PLPP7: variants seen among roughly 807,000 people sequenced by gnomAD.
The protein encoded by PLPP7 is phospholipid phosphatase 7 (inactive), also known as inactive phospholipid phosphatase 7.
Under a neutral mutation model 16.9 loss-of-function variants are expected in PLPP7, and 11 were observed. The ratio of observed to expected loss-of-function variants is 0.65; its 90% CI spans 0.41 to 1.08. The LOEUF (loss-of-function observed/expected upper bound fraction) is 1.08. Among genes scored for constraint, PLPP7 ranks in the 50% least tolerant of loss-of-function variants. The probability of loss-of-function intolerance (pLI) is 0.00; values close to 1 mark genes in which losing one functional copy is unlikely to be tolerated. For missense variants in PLPP7, 358 were observed against 397.1 expected (o/e 0.90, Z 0.84); for synonymous variants, 174 against 175.1 (o/e 0.99, Z 0.05).
chr9:131,301,795 G>GAGGGGA (rs1835800583), intron 1 of PLPP7, among the ~76,000 whole-genome samples: 1 of 150,038 alleles, frequency 6.7e-6, no homozygotes, highest in African/African-American at 2.4e-5. Context: ...AAGGCGCTGA[G>GAGGGGA]AGGGGAAGGA....
chr9:131,305,849 G>A (rs1001642155), intron 1 of PLPP7, among the ~76,000 whole-genome samples: 6 of 151,936 alleles, frequency 3.9e-5, no homozygotes, highest in South Asian at 4.2e-4. Context: ...GGCTAGTCTC[G>A]GACTCCTGGG....
Position 131,308,416 on chromosome 9 carries a change from T to A in PLPP7, c.*129T>A. ...TCAGAGCGGCCACCCCCACCTCATC[T>A]TCCCCTCCTGGCTGGAGGCTGGCGA... On this transcript the variant is annotated 3_prime_UTR_variant, in exon 2 of 2. Coordinates refer to ENST00000372264, the MANE Select transcript of PLPP7 (RefSeq NM_032728.4). The A allele has an allele frequency of 4.3e-6, 6 of 1,390,940 alleles. No homozygotes were observed. Among genetic ancestry groups the A allele is most frequent in the Non-Finnish European group, 5.7e-6 (6 of 1,058,806 alleles). 86.2% of individuals were successfully genotyped at this position (1,390,940 alleles called of 1,614,324 possible). A position where few individuals can be genotyped will look rare whatever the true frequency, so the allele number is the denominator to read the frequency against.
chr9:131,295,039 C>T lies in PLPP7; in HGVS notation c.451+4591C>T, dbSNP rs1160556513. Among the ~76,000 whole-genome samples, 4 of 146,398 alleles carry T rather than the reference C, an allele frequency of 2.7e-5. No homozygotes were observed. The highest frequency in any genetic ancestry group is 4.5e-5 in the Non-Finnish European group (3 of 66,358). ...TGATCTTGGCTCACTGGCATGAACC[C>T]GGGAGGCGGAGCTTGCAGTGAGCTG... is the stretch of plus-strand genomic sequence containing the variant. On this transcript the variant is annotated intron_variant, in intron 1 of 1. Coordinates refer to ENST00000372264, the MANE Select transcript of PLPP7 (RefSeq NM_032728.4). The surrounding 1 kb of genome is among the most constrained non-coding windows in gnomAD (Gnocchi z 4.0).
rs1339208298 is a variant in PLPP7, at chr9:131,308,133, G to A, written c.662G>A (p.Trp221Ter). 1 of 1,600,954 alleles carries A rather than the reference G, an allele frequency of 6.2e-7. No individual in the cohort carries two copies. Among genetic ancestry groups the A allele is most frequent in the East Asian group, 2.2e-5 (1 of 44,862 alleles). The change falls in exon 2 of 2, where the codon TGG becomes TAG. Residue 221 changes from tryptophan to a stop codon, truncating the protein, a stop_gained. Transcript: ENST00000372264. LOFTEE classifies it high-confidence loss of function. ...AVPLRVLLVLWALCVGLSRVM... is the reference protein window; with the variant it reads ...AVPLRVLLVL The stretch of plus-strand genomic sequence containing the variant: ...CCCCTGCGTGTGCTGCTGGTGCTCT[G>A]GGCCCTCTGCGTGGGCCTGTCCCGC...
In PLPP7 at chr9:131,308,512, C is replaced by T; in HGVS notation, c.*225C>T. 1.4e-6 allele frequency: 1 copy of T among 724,566 alleles called. No homozygotes were observed. Among genetic ancestry groups the T allele is most frequent in the Non-Finnish European group, 2.2e-6 (1 of 456,704 alleles). 44.9% of individuals were successfully genotyped at this position (724,566 alleles called of 1,614,324 possible). On this transcript the variant is annotated 3_prime_UTR_variant, in exon 2 of 2. Coordinates refer to ENST00000372264, the MANE Select transcript of PLPP7 (RefSeq NM_032728.4). ...GCCTCTTGCCCCTTTGCTTGGACTC[C>T]AAGTCTCCTCTCTAGGCAGCCAGGA... is the stretch of plus-strand genomic sequence containing the variant.
At chr9:131,307,488 G>A (rs1010408590) in intron 1 of PLPP7, among the ~76,000 whole-genome samples, 1 of 145,840 alleles carries the variant, frequency 6.9e-6, no homozygotes, top group African/African-American at 2.6e-5. Flanking sequence ...GGAGGCGGAG[G>A]TTCCAGTGAG....
rs1003383689 is a variant in PLPP7 at position 131,308,381 on chromosome 9, C to A, written c.*94C>A. 7.6e-6 allele frequency: 11 copies of A among 1,445,496 alleles called. No homozygotes were observed. Among genetic ancestry groups the A allele is most frequent in the Admixed American group, 2.6e-5 (1 of 38,706 alleles). 89.5% of individuals were successfully genotyped at this position (1,445,496 alleles called of 1,614,324 possible). A position where few individuals can be genotyped will look rare whatever the true frequency, so the allele number is the denominator to read the frequency against. On this transcript the variant is annotated 3_prime_UTR_variant, in exon 2 of 2. Coordinates refer to ENST00000372264, the MANE Select transcript of PLPP7 (RefSeq NM_032728.4). The stretch of plus-strand genomic sequence containing the variant: ...GGTGGCGGGCGTGGGTGGAACAGAG[C>A]GGCCAGGAGTCAGAGCGGCCACCCC...
chr9:131,307,763 A>G (rs1385722889), intron 1 of PLPP7, among the ~76,000 whole-genome samples, 160 bp from the exon 2 acceptor site: 2 of 152,146 alleles, frequency 1.3e-5, no homozygotes, highest in Non-Finnish European at 2.9e-5. Context: ...GGGAGACAGC[A>G]AAGGCAACAG....
chr9:131,305,903 A>G (rs900083138), intron 1 of PLPP7, among the ~76,000 whole-genome samples: 3 of 152,086 alleles, frequency 2.0e-5, no homozygotes, highest in Admixed American at 6.6e-5. Context: ...TGCTGGGATT[A>G]TAAGTGTGAC....
chr9:131,305,769 C>A (rs1835845698), intron 1 of PLPP7, among the ~76,000 whole-genome samples: 1 of 152,144 alleles, frequency 6.6e-6, no homozygotes, highest in African/African-American at 2.4e-5. Flanking sequence ...GCTGAAACTA[C>A]AGGCGTATGC....
At position 131,308,470 on chromosome 9, in the gene PLPP7, G is replaced by A. The variant is rs758805685; in HGVS notation, c.*183G>A. ...CAGGCCACCCCTCCCGGAGACAAGC[G>A]TGTTTGGCAGTGCCAGGCCTCTTGC... On this transcript the variant is annotated 3_prime_UTR_variant, in exon 2 of 2. Transcript: ENST00000372264. 37 of 987,886 alleles carry A rather than the reference G, an allele frequency of 3.7e-5. No homozygotes were observed. The highest frequency in any genetic ancestry group is 6.6e-5 in the African/African-American group (4 of 60,418). 61.2% of individuals were successfully genotyped at this position (987,886 alleles called of 1,614,324 possible). A position where few individuals can be genotyped will look rare whatever the true frequency, so the allele number is the denominator to read the frequency against.
rs1588206432 is a variant in PLPP7, at chr9:131,290,586, T to G, written c.451+138T>G. On this transcript the variant is annotated intron_variant, in intron 1 of 1. Coordinates refer to ENST00000372264, the MANE Select transcript of PLPP7 (RefSeq NM_032728.4). The surrounding 1 kb of genome is among the most constrained non-coding windows in gnomAD (Gnocchi z 4.2). ...GTCTAATGAGGTTAGGCAGGAAGGG[T>G]GCCCCAGAAACAGGCAGGCTCCGGC... 1 of 808,834 alleles carries G rather than the reference T, an allele frequency of 1.2e-6. No individual in the cohort carries two copies. The highest frequency in any genetic ancestry group is 1.8e-6 in the Non-Finnish European group (1 of 558,962). The allele number at this position is 808,834 out of a possible 1,614,324, so 50.1% of individuals were successfully genotyped here.
At chr9:131,292,816 T>C (rs1835695194) in intron 1 of PLPP7, 1 of 985,254 alleles carries the variant, frequency 1.0e-6, no homozygotes, top group African/African-American at 1.7e-5. Context: ...ACATTTCCCC[T>C]GCCCCAAACA....
At position 131,290,199 on chromosome 9, in the gene PLPP7, G is replaced by T; in HGVS notation, c.202G>T (p.Glu68Ter). 2 of 1,598,488 alleles carry T rather than the reference G, an allele frequency of 1.3e-6. No individual in the cohort carries two copies. Among genetic ancestry groups the T allele is most frequent in the Non-Finnish European group, 1.7e-6 (2 of 1,170,672 alleles). Residue 68 changes from glutamate to a stop codon, truncating the protein, a stop_gained, in exon 1 of 2, where the codon GAG becomes TAG. Transcript: ENST00000372264. LOFTEE classifies it high-confidence loss of function. This position sits in a 1 kb window ranked among gnomAD's most constrained non-coding sequence, Gnocchi z 4.2. ...ERRQSQQLPE[E>*]DCMQLNPSFK... is the part of the protein sequence containing the mutation. ...ACGCCAGTCACAGCAGCTGCCAGAG[G>T]AGGACTGCATGCAGCTGAACCCCTC...
chr9:131,297,482 T>C (rs1028044244), intron 1 of PLPP7, among the ~76,000 whole-genome samples: 1 of 151,582 alleles, frequency 6.6e-6, no homozygotes, highest in Non-Finnish European at 1.5e-5. Context: ...GTCCCCCAAG[T>C]TCAAGTGATT....
At chr9:131,300,331 C>T (rs985974924) in intron 1 of PLPP7, among the ~76,000 whole-genome samples, 2 of 152,218 alleles carry the variant, frequency 1.3e-5, no homozygotes, top group Non-Finnish European at 2.9e-5. Flanking sequence ...GTCCCAGCTA[C>T]TCTGTTTCCT....
At position 131,308,096 on chromosome 9, in the gene PLPP7, G is replaced by A; in HGVS notation, c.625G>A (p.Val209Met). The change falls in exon 2 of 2, where the codon GTG (valine) becomes ATG (methionine). Residue 209 changes from valine (V) to methionine (M), a missense_variant. Physicochemically the swap from Val to Met is conservative, Grantham distance 21. Transcript: ENST00000372264. ...GTCCAAGTTCTTCCTCAGCCACCTGGTGCTGGCGGTGCCCCTGCGTGTGCT... is the reference window on the plus strand; with the variant it reads ...GTCCAAGTTCTTCCTCAGCCACCTGATGCTGGCGGTGCCCCTGCGTGTGCT... ...MVSKFFLSHL[V>M]LAVPLRVLLV... 1 of 1,601,340 alleles carries A rather than the reference G, an allele frequency of 6.2e-7. No homozygotes were observed. The highest frequency in any genetic ancestry group is 8.5e-7 in the Non-Finnish European group (1 of 1,179,798).
Position 131,290,192 on chromosome 9 carries a change from G to T in PLPP7, c.195G>T (p.Leu65=). ...GAGAGCGACGCCAGTCACAGCAGCT[G>T]CCAGAGGAGGACTGCATGCAGCTGA... is the stretch of plus-strand genomic sequence containing the variant. ...GARERRQSQQ[L]PEEDCMQLNP... is the part of the protein sequence containing the mutation. Residue 65 remains leucine, a synonymous_variant, in exon 1 of 2, where the codon CTG becomes CTT. Transcript: ENST00000372264. This position sits in a 1 kb window ranked among gnomAD's most constrained non-coding sequence, Gnocchi z 4.2. 1 of 1,593,900 alleles carries T rather than the reference G, an allele frequency of 6.3e-7. No homozygotes were observed. The highest frequency in any genetic ancestry group is 8.6e-7 in the Non-Finnish European group (1 of 1,167,732).
intron 1 of PLPP7, chr9:131,291,362 A>C (rs1378316140): frequency 1.7e-6 from 2 of 1,182,308 alleles, no homozygotes; most frequent in Non-Finnish European, 2.1e-6. Context: ...AAGGGGTCTC[A>C]GTTCCAAAAG....
Sources: allele counts gnomAD v4.1 joint callset (sites outside exome capture counted in the v4.1 genomes callset), GRCh38; gene constraint gnomAD v4.1.1; non-coding constraint Gnocchi (gnomAD v3.1); transcripts MANE v1.5; gene names NCBI Gene and HGNC (gene_info 2026-07-23, HGNC 2026-07-21).